SMYD3: variants seen among roughly 807,000 people sequenced by gnomAD.
SMYD3 encodes histone-lysine N-methyltransferase SMYD3.
A neutral mutation model predicts 57.7 loss-of-function variants in SMYD3; 36 were observed. The ratio of observed to expected loss-of-function variants is 0.62; its 90% CI spans 0.48 to 0.82. SMYD3 has a LOEUF of 0.82. Ranked by LOEUF, SMYD3 falls within the 40% of genes least tolerant of loss-of-function variation. The probability of loss-of-function intolerance (pLI) is 0.00; values close to 1 mark genes in which losing one functional copy is unlikely to be tolerated. For missense variants in SMYD3, 515 were observed against 538.8 expected, an observed-to-expected ratio of 0.96 and a Z score of 0.44; for synonymous variants, 211 against 195.0, an observed-to-expected ratio of 1.08 and a Z score of -0.68.
chr1:246,412,476 T>C (rs556326550), intron 1 of SMYD3, among the ~76,000 whole-genome samples: 4 of 152,280 alleles, frequency 2.6e-5, no homozygotes, highest in Non-Finnish European at 5.9e-5. Context: ...TTGAAAAAAA[T>C]AGATTCCAAT....
chr1:245,860,761 T>C lies in SMYD3; in HGVS notation c.902-2091A>G, dbSNP rs548116232. ...GGAAGCAGTATCTTAGGCAACGCACTGATTTTGTAACAGATTGCTGGGCTA... is the reference window on the plus strand; with the variant it reads ...GGAAGCAGTATCTTAGGCAACGCACCGATTTTGTAACAGATTGCTGGGCTA... On this transcript the variant is annotated intron_variant, in intron 9 of 11. Coordinates refer to ENST00000490107, the MANE Select transcript of SMYD3 (RefSeq NM_001167740.2). Among the ~76,000 whole-genome samples the C allele has an allele frequency of 3.3e-3, 499 of 152,360 alleles. 1 individual carries two copies. The highest frequency in any genetic ancestry group is 0.01 in the African/African-American group (433 of 41,586).
At chr1:246,282,302 CTACAAAAAAAAA>C (rs1558374722) in intron 5 of SMYD3, among the ~76,000 whole-genome samples, 2 of 45,448 alleles carry the variant, frequency 4.4e-5, no homozygotes, top group Non-Finnish European at 7.9e-5. Flanking sequence ...ACCCTCATCT[CTACAAAAAAAAA>C]AAAAAAAAAA....
At chr1:246,107,104 G>A (rs978376193) in intron 5 of SMYD3, among the ~76,000 whole-genome samples, 6 of 108,552 alleles carry the variant, frequency 5.5e-5, no homozygotes, top group African/African-American at 1.6e-4. Context: ...TCGAGACCAC[G>A]GTGAAACCCC....
intron 10 of SMYD3, among the ~76,000 whole-genome samples, chr1:245,829,071 C>CTT (rs11291631): frequency 4.0e-4 from 52 of 130,736 alleles, no homozygotes; most frequent in African/African-American, 1.4e-3. Flanking sequence ...CTTAGCCTGG[C>CTT]TTTTTTTTTT....
intron 5 of SMYD3, among the ~76,000 whole-genome samples, chr1:246,167,054 T>C (rs1309674953): frequency 6.6e-6 from 1 of 152,218 alleles, no homozygotes; most frequent in East Asian, 1.9e-4. Context: ...GTCTTGTGTC[T>C]GGCTCCCTTC....
chr1:246,036,627 C>G (rs1255787734), intron 5 of SMYD3, among the ~76,000 whole-genome samples: 4 of 150,668 alleles, frequency 2.7e-5, no homozygotes, highest in Non-Finnish European at 5.9e-5. Context: ...GATCTCGGCT[C>G]ACTGCAAGCT....
chr1:246,487,830 G>A (rs2068211292), intron 1 of SMYD3, among the ~76,000 whole-genome samples: 2 of 152,018 alleles, frequency 1.3e-5, no homozygotes, highest in South Asian at 4.1e-4. Context: ...CAGTAGCTGG[G>A]ATTACAGGCA....
intron 1 of SMYD3, among the ~76,000 whole-genome samples, chr1:246,425,318 A>G (rs908801520): frequency 5.9e-5 from 9 of 152,156 alleles, no homozygotes; most frequent in Non-Finnish European, 1.3e-4. Flanking sequence ...TACCGGAGAT[A>G]CAACACCAAC....
At chr1:246,288,341 G>A (rs545885652) in intron 5 of SMYD3, among the ~76,000 whole-genome samples, 3 of 152,136 alleles carry the variant, frequency 2.0e-5, no homozygotes, top group South Asian at 2.1e-4. Flanking sequence ...ATTTAGAACC[G>A]TAGCTCCACA....
intron 5 of SMYD3, among the ~76,000 whole-genome samples, chr1:246,163,330 G>A (rs1248731410): frequency 6.6e-6 from 1 of 152,182 alleles, no homozygotes. Context: ...CTGAAACACA[G>A]CAATATGTTC....
chr1:245,761,325 T>C (rs2045833682), intron 11 of SMYD3, among the ~76,000 whole-genome samples: 1 of 151,934 alleles, frequency 6.6e-6, no homozygotes, highest in African/African-American at 2.4e-5. Flanking sequence ...TGCAACCTCA[T>C]CAGAAGGGTG....
intron 5 of SMYD3, among the ~76,000 whole-genome samples, chr1:245,968,118 T>C (rs779229930): frequency 5.9e-5 from 9 of 151,984 alleles, no homozygotes; most frequent in Non-Finnish European, 1.0e-4. Context: ...ATAATGCTAC[T>C]TCCCCCTCAA....
chr1:245,838,266 G>C (rs2050199734), intron 10 of SMYD3, among the ~76,000 whole-genome samples: 1 of 152,212 alleles, frequency 6.6e-6, no homozygotes, highest in South Asian at 2.1e-4. Flanking sequence ...TGGGCTTAGG[G>C]GGCACAGACC....
At chr1:246,118,061 G>T (rs180978228) in intron 5 of SMYD3, among the ~76,000 whole-genome samples, 2 of 152,076 alleles carry the variant, frequency 1.3e-5, no homozygotes, top group Non-Finnish European at 2.9e-5. Flanking sequence ...TAGTGATTCC[G>T]AAAATGCTCA....
chr1:245,830,336 G>A (rs2049760679), intron 10 of SMYD3, among the ~76,000 whole-genome samples: 1 of 152,202 alleles, frequency 6.6e-6, no homozygotes, highest in Non-Finnish European at 1.5e-5. Flanking sequence ...GTCCTACATG[G>A]CGGCAGGCAA....
chr1:246,023,329 A>G (rs1572903666), intron 5 of SMYD3, among the ~76,000 whole-genome samples: 1 of 152,236 alleles, frequency 6.6e-6, no homozygotes, highest in Non-Finnish European at 1.5e-5. Context: ...ACGAGCAATT[A>G]GAAAACAGAG....
intron 11 of SMYD3, among the ~76,000 whole-genome samples, chr1:245,763,039 C>T (rs1266398316): frequency 6.6e-6 from 1 of 152,216 alleles, no homozygotes; most frequent in African/African-American, 2.4e-5. Flanking sequence ...GGTGGGAAGG[C>T]CTGGGCCAGA....
chr1:246,239,459 G>A (rs964537780), intron 5 of SMYD3, among the ~76,000 whole-genome samples: 4 of 152,180 alleles, frequency 2.6e-5, no homozygotes, highest in Non-Finnish European at 4.4e-5. Flanking sequence ...AGTATTCCAT[G>A]GCGTATATGT....
At chr1:245,898,910 A>G (rs2054006069) in intron 8 of SMYD3, among the ~76,000 whole-genome samples, 2 of 152,182 alleles carry the variant, frequency 1.3e-5, no homozygotes, top group Admixed American at 1.3e-4. Context: ...GAGGACCCAA[A>G]TCATTCAAAA....
Sources: gnomAD v4.1 joint callset for allele counts (sites outside exome capture counted in the v4.1 genomes callset) on GRCh38, gnomAD v4.1.1 for gene constraint, MANE v1.5 for transcripts, NCBI Gene and HGNC (gene_info 2026-07-23, HGNC 2026-07-21) for gene names.